FBXO10: variants seen among roughly 807,000 people sequenced by gnomAD.
FBXO10 encodes F-box only protein 10.
A neutral mutation model predicts 80.7 loss-of-function variants in FBXO10; 39 were observed. The ratio of observed to expected loss-of-function variants is 0.48; its 90% CI spans 0.37 to 0.63. FBXO10 has a LOEUF of 0.63. Among genes scored for constraint, FBXO10 ranks in the 30% least tolerant of loss-of-function variants. The pLI is 0.00. For synonymous variants in FBXO10, 449 were observed against 489.6 expected, an observed-to-expected ratio of 0.92 and a Z score of 1.09; for missense variants, 1,025 against 1,269.0, an observed-to-expected ratio of 0.81 and a Z score of 2.92.
At chr9:37,532,554 C>G (rs149452254) in intron 3 of FBXO10, among the ~76,000 whole-genome samples, 1 of 152,108 alleles carries the variant, frequency 6.6e-6, no homozygotes, top group Non-Finnish European at 1.5e-5. Flanking sequence ...CTATGTTGCC[C>G]AGGCTGGTCT....
intron 9 of FBXO10, among the ~76,000 whole-genome samples, chr9:37,517,562 G>A (rs961106587): frequency 6.6e-6 from 1 of 152,208 alleles, no homozygotes; most frequent in Non-Finnish European, 1.5e-5. Flanking sequence ...AGTGCTCTGT[G>A]AGGTATGTGT....
At chr9:37,536,676 T>C (rs1712151073) in intron 3 of FBXO10, among the ~76,000 whole-genome samples, 1 of 152,154 alleles carries the variant, frequency 6.6e-6, no homozygotes, top group Admixed American at 6.6e-5. Context: ...TGTCCAATTT[T>C]CCCTGGACCT....
At position 37,511,722 on chromosome 9, in the gene FBXO10, C is replaced by G. The variant is rs1821058850; in HGVS notation, c.*825G>C. The G allele has an allele frequency of 6.5e-6, 1 of 152,766 alleles. No homozygotes were observed. Among genetic ancestry groups the G allele is most frequent in the African/African-American group, 2.4e-5 (1 of 41,422 alleles). 9.5% of individuals were successfully genotyped at this position (152,766 alleles called of 1,614,324 possible). ...TTGGGAGGGTCAGTAAAGACCAGCG[C>G]TCATCCATGAGAACACAGATGCGAA... On this transcript the variant is annotated 3_prime_UTR_variant, in exon 11 of 11. Transcript: ENST00000432825.
intron 1 of FBXO10, among the ~76,000 whole-genome samples, chr9:37,561,969 C>A (rs1304065760): frequency 4.6e-5 from 7 of 152,154 alleles, no homozygotes; most frequent in Non-Finnish European, 1.5e-5. Context: ...GATGAACAAG[C>A]CCTTGGCCAG....
In FBXO10 at chr9:37,532,020, C is replaced by T. The variant is rs779434997; in HGVS notation, c.1458G>A (p.Ala486=). ...CCTCCAAGCGAAGAAAGATGCCTGA[C>T]GCTCGGCAGCGGTAAATGTCGTTCC... The part of the protein sequence containing the change: ...MLRNDIYRCR[A]SGIFLRLEGG... The change falls in exon 4 of 11, where the codon GCG becomes GCA. Residue 486 remains alanine, a synonymous_variant. Coordinates refer to ENST00000432825, the MANE Select transcript of FBXO10 (RefSeq NM_012166.3). 6.8e-6 allele frequency: 11 copies of T among 1,613,780 alleles called. No individual in the cohort carries two copies. Among genetic ancestry groups the T allele is most frequent in the African/African-American group, 2.7e-5 (2 of 74,932 alleles).
chr9:37,559,532 T>C (rs1267685043), intron 1 of FBXO10, among the ~76,000 whole-genome samples: 2 of 152,222 alleles, frequency 1.3e-5, no homozygotes, highest in African/African-American at 4.8e-5. Context: ...GATTAAAAAA[T>C]TGAAAGCACA....
At chr9:37,574,341 C>T (rs77747293) in intron 1 of FBXO10, among the ~76,000 whole-genome samples, 1 of 152,192 alleles carries the variant, frequency 6.6e-6, no homozygotes, top group Non-Finnish European at 1.5e-5. Flanking sequence ...AACCAGAGAA[C>T]GGAAACTCAT....
chr9:37,515,813 G>A lies in FBXO10; in HGVS notation c.2696+91C>T, dbSNP rs138315707. 1.3e-3 allele frequency: 1,803 copies of A among 1,369,342 alleles called. 23 individuals are homozygous for A. In the African/African-American group the frequency reaches 0.023, roughly 18 times the overall value. The allele number at this position is 1,369,342 out of a possible 1,614,324, so 84.8% of individuals were successfully genotyped here. ...CAGCTGGCAGGGTTGCAGGGAGCCC[G>A]GGCAGCCACAATCCCTGGGTGTGGG... is the stretch of plus-strand genomic sequence containing the variant. On this transcript the variant is annotated intron_variant, in intron 10 of 10. Transcript: ENST00000432825.
chr9:37,523,647 T>A (rs1354162709), intron 6 of FBXO10, among the ~76,000 whole-genome samples: 1 of 151,864 alleles, frequency 6.6e-6, no homozygotes, highest in Non-Finnish European at 1.5e-5. Flanking sequence ...ATAGGCCGGG[T>A]GCGGTGGCTC....
rs764567117 is a variant in FBXO10 at position 37,532,093 on chromosome 9, T to A, written c.1420-35A>T. 26 of 1,590,160 alleles carry A rather than the reference T, an allele frequency of 1.6e-5. 2 individuals carry two copies. The South Asian group carries it at 2.9e-4, about 18-fold the overall frequency. ...AAAGAGAAAGCCATTTATTTTCCTG[T>A]TACAAATATTTTTTTAGAAACCACT... On this transcript the variant is annotated intron_variant, in intron 3 of 10. Coordinates refer to ENST00000432825, the MANE Select transcript of FBXO10 (RefSeq NM_012166.3).
chr9:37,569,960 A>G (rs1822706925), intron 1 of FBXO10, among the ~76,000 whole-genome samples: 1 of 152,256 alleles, frequency 6.6e-6, no homozygotes, highest in Non-Finnish European at 1.5e-5. Context: ...CTCGAATATA[A>G]TATCTATTGG....
At chr9:37,573,208 G>A (rs1822804068) in intron 1 of FBXO10, among the ~76,000 whole-genome samples, 1 of 152,178 alleles carries the variant, frequency 6.6e-6, no homozygotes. Flanking sequence ...ACTCTGATAA[G>A]AAGTTTGAAA....
At chr9:37,525,300 G>T in intron 5 of FBXO10, 128 bp from the exon 6 acceptor site, 1 of 836,512 alleles carries the variant, frequency 1.2e-6, no homozygotes, top group Non-Finnish European at 1.9e-6. Flanking sequence ...CGGGTGTGGT[G>T]GTGTGCACCT....
At position 37,522,347 on chromosome 9, in the gene FBXO10, G is replaced by A. The variant is rs1821365656; in HGVS notation, c.1930+478C>T. ...CATAGAAAGGGCTGAGTAGAGAGGT[G>A]GGCCTGAGTCATCTTTATTATTATC... On this transcript the variant is annotated intron_variant, in intron 7 of 10. Coordinates refer to ENST00000432825, the MANE Select transcript of FBXO10 (RefSeq NM_012166.3). 14 of 1,000,664 alleles carry A rather than the reference G, an allele frequency of 1.4e-5. 1 individual carries two copies. In the South Asian group the frequency reaches 5.8e-4, roughly 41 times the overall value. The allele number at this position is 1,000,664 out of a possible 1,614,324, so 62.0% of individuals were successfully genotyped here. A position where few individuals can be genotyped will look rare whatever the true frequency, so the allele number is the denominator to read the frequency against.
intron 1 of FBXO10, among the ~76,000 whole-genome samples, chr9:37,568,195 A>G (rs1034584087): frequency 1.3e-5 from 2 of 151,830 alleles, no homozygotes; most frequent in Non-Finnish European, 1.5e-5. Flanking sequence ...TCTCAAGTAA[A>G]TTATTATTAT....
At chr9:37,568,440 C>T (rs147898017) in intron 1 of FBXO10, among the ~76,000 whole-genome samples, 1 of 152,072 alleles carries the variant, frequency 6.6e-6, no homozygotes, top group African/African-American at 2.4e-5. Context: ...TCAGGCAAAC[C>T]GCCCACCTCA....
intron 1 of FBXO10, among the ~76,000 whole-genome samples, chr9:37,566,458 G>GAA (rs1563891214): frequency 1.2e-3 from 44 of 37,940 alleles, no homozygotes; most frequent in African/African-American, 4.2e-3. Flanking sequence ...ACTCTGTCTC[G>GAA]GAAAAAAAAA....
intron 1 of FBXO10, among the ~76,000 whole-genome samples, chr9:37,549,146 G>A (rs1175680346): frequency 6.6e-6 from 1 of 152,154 alleles, no homozygotes; most frequent in Non-Finnish European, 1.5e-5. Flanking sequence ...CAGAAGATCA[G>A]TTGTGAGCTT....
chr9:37,574,885 A>G (rs1352164754), intron 1 of FBXO10, among the ~76,000 whole-genome samples: 2 of 152,218 alleles, frequency 1.3e-5, no homozygotes, highest in Non-Finnish European at 2.9e-5. Flanking sequence ...TAGTAGGTGT[A>G]CAAGACAGAG....
Sources: allele counts gnomAD v4.1 joint callset (sites outside exome capture counted in the v4.1 genomes callset), GRCh38; gene constraint gnomAD v4.1.1; transcripts MANE v1.5; gene names NCBI Gene and HGNC (gene_info 2026-07-23, HGNC 2026-07-21).